Variants in ABHD2 observed in about 807,000 individuals in gnomAD.
The protein encoded by ABHD2 is monoacylglycerol lipase ABHD2.
ABHD2 carries 20 observed loss-of-function variants against 48.1 expected under a neutral mutation model. That is an observed-to-expected ratio of 0.42 (90% CI 0.29 to 0.60). The LOEUF (loss-of-function observed/expected upper bound fraction) is 0.60, where lower values mean the gene tolerates loss of function less well. Among genes scored for constraint, ABHD2 ranks in the 20% least tolerant of loss-of-function variants. The pLI is 0.24. For missense variants in ABHD2, 405 were observed against 550.9 expected (o/e 0.74, Z 2.65); for synonymous variants, 209 against 214.2 (o/e 0.98, Z 0.21).
At chr15:89,187,870 C>T (rs775385318) in intron 7 of ABHD2, among the ~76,000 whole-genome samples, 28 of 152,174 alleles carry the variant, frequency 1.8e-4, no homozygotes, top group Non-Finnish European at 2.6e-4. Context: ...AGTGTAAGGA[C>T]GACGCCCCTA....
chr15:89,119,803 TTC>T (rs1443498345), intron 3 of ABHD2, among the ~76,000 whole-genome samples: 1 of 152,204 alleles, frequency 6.6e-6, no homozygotes, highest in Non-Finnish European at 1.5e-5. Context: ...CATAGTCTTT[TTC>T]TGTGTCACAT....
chr15:89,169,856 C>T (rs1242959280), intron 5 of ABHD2, among the ~76,000 whole-genome samples: 1 of 152,042 alleles, frequency 6.6e-6, no homozygotes, highest in East Asian at 1.9e-4. Context: ...CCAAAGGCTA[C>T]ATACAATGAG....
At chr15:89,059,847 C>G in the ABHD2 span, among the ~76,000 whole-genome samples, 1 of 152,142 alleles carries the variant, frequency 6.6e-6, no homozygotes, top group Non-Finnish European at 1.5e-5. Context: ...GCTGCAGGGT[C>G]CGTGGCCGAA....
At position 89,088,919 on chromosome 15, in the gene ABHD2, TC is replaced by T. The variant is rs1021455413; in HGVS notation, c.-107+358del. On this transcript the variant is annotated intron_variant, in intron 1 of 10. Transcript: ENST00000352732. The surrounding 1 kb of genome is among the most constrained non-coding windows in gnomAD (Gnocchi z 6.8). The stretch of plus-strand genomic sequence containing the variant: ...GCCGGTTCAGGCTCGGCGAAGAAGG[TC>T]CGGGATCCGCACCTGGAAGGAGAGG... 9.9e-5 allele frequency among the ~76,000 whole-genome samples: 15 copies of T among 152,162 alleles called. 1 individual carries two copies. The highest frequency in any genetic ancestry group is 3.4e-4 in the African/African-American group (14 of 41,510).
At chr15:89,068,676 C>T in the ABHD2 span, among the ~76,000 whole-genome samples, 1 of 150,602 alleles carries the variant, frequency 6.6e-6, no homozygotes, top group Non-Finnish European at 1.5e-5. Context: ...CACAGAGCAC[C>T]ATATGGCATC....
At chr15:89,056,731 A>G in the ABHD2 span, among the ~76,000 whole-genome samples, 19 of 152,186 alleles carry the variant, frequency 1.2e-4, no homozygotes, top group Non-Finnish European at 4.4e-5. Context: ...CAGCAGCACT[A>G]CTTATTACAA....
At chr15:89,140,739 A>G (rs2050389656) in intron 3 of ABHD2, among the ~76,000 whole-genome samples, 1 of 152,108 alleles carries the variant, frequency 6.6e-6, no homozygotes, top group African/African-American at 2.4e-5. Flanking sequence ...CTCTCCTGCG[A>G]GAGAGAGCAC....
intron 5 of ABHD2, among the ~76,000 whole-genome samples, chr15:89,156,645 C>T (rs1233162723): frequency 3.3e-5 from 5 of 151,064 alleles, no homozygotes; most frequent in Admixed American, 3.3e-4. Flanking sequence ...GGCTGAGGCA[C>T]GAGGATCACT....
At chr15:89,050,119 G>C in the ABHD2 span, among the ~76,000 whole-genome samples, 6 of 152,288 alleles carry the variant, frequency 3.9e-5, no homozygotes, top group East Asian at 1.2e-3. Flanking sequence ...AAAGACAAAG[G>C]GTTCATCCAC....
rs2050834810 is a variant in ABHD2 at position 89,166,126 on chromosome 15, AAAAT to A, written c.539-9684_539-9681del. The stretch of plus-strand genomic sequence containing the variant: ...TTTGATCTTGATTTAAAGAGAGAAA[AAAAT>A]AGGATTAAAAACAATATCTTCTATG... On this transcript the variant is annotated intron_variant, in intron 5 of 10. Coordinates refer to ENST00000352732, the MANE Select transcript of ABHD2 (RefSeq NM_152924.5). This position sits in a 1 kb window ranked among gnomAD's most constrained non-coding sequence, Gnocchi z 4.6. 6.6e-6 allele frequency among the ~76,000 whole-genome samples: 1 copy of A among 152,218 alleles called. No individual in the cohort carries two copies. The highest frequency in any genetic ancestry group is 1.5e-5 in the Non-Finnish European group (1 of 68,038).
In ABHD2 at chr15:89,189,991, G is replaced by T. The variant is rs1366466134; in HGVS notation, c.927-1089G>T. On this transcript the variant is annotated intron_variant, in intron 8 of 10. Transcript: ENST00000352732. The surrounding 1 kb of genome is among the most constrained non-coding windows in gnomAD (Gnocchi z 4.9). ...GAACAATGCATTTCCTGCCTGCTGA[G>T]ACTGCAAACGAACTGATTTCACAAG... is the stretch of plus-strand genomic sequence containing the variant. Among the ~76,000 whole-genome samples the T allele has an allele frequency of 6.6e-6, 1 of 152,122 alleles. No homozygotes were observed. Among genetic ancestry groups the T allele is most frequent in the African/African-American group, 2.4e-5 (1 of 41,412 alleles).
At chr15:89,136,330 G>T in intron 3 of ABHD2, 4 of 503,246 alleles carry the variant, frequency 7.9e-6, no homozygotes, top group South Asian at 5.9e-5. Context: ...TTTCCTTTCT[G>T]TTTAGTAGGC....
chr15:89,079,204 G>C, the ABHD2 span, among the ~76,000 whole-genome samples: 1 of 152,192 alleles, frequency 6.6e-6, no homozygotes, highest in Non-Finnish European at 1.5e-5. The surrounding 1 kb of genome is among the most constrained non-coding windows in gnomAD (Gnocchi z 4.3). Flanking sequence ...ATAATTGACT[G>C]TTCCTCTACC....
At chr15:89,149,214 A>AACACACAC (rs35689320) in intron 3 of ABHD2, among the ~76,000 whole-genome samples, 2,118 of 148,310 alleles carry the variant, frequency 0.014, 22 homozygotes, top group African/African-American at 0.026. Flanking sequence ...ATTGATCCCT[A>AACACACAC]ACACACACAC....
At chr15:89,052,674 C>T in the ABHD2 span, among the ~76,000 whole-genome samples, 1 of 152,032 alleles carries the variant, frequency 6.6e-6, no homozygotes. Context: ...GCCTGCAAAC[C>T]ACAAGCAGGG....
At chr15:89,077,495 G>C in the ABHD2 span, among the ~76,000 whole-genome samples, 1 of 152,134 alleles carries the variant, frequency 6.6e-6, no homozygotes, top group African/African-American at 2.4e-5. Context: ...TGAGAATTAT[G>C]CATGCTCATG....
chr15:89,077,845 G>A, the ABHD2 span, among the ~76,000 whole-genome samples: 1 of 152,088 alleles, frequency 6.6e-6, no homozygotes, highest in Non-Finnish European at 1.5e-5. Context: ...ACTTGTCTAT[G>A]CCTATGACTT....
upstream of ABHD2, among the ~76,000 whole-genome samples, chr15:89,083,500 A>T (rs552432286): frequency 2.7e-4 from 41 of 152,262 alleles, no homozygotes; most frequent in Non-Finnish European, 4.7e-4. The surrounding 1 kb of genome is among the most constrained non-coding windows in gnomAD (Gnocchi z 5.1). Flanking sequence ...ACGTGCGTGT[A>T]TGTGTGTTTG....
At chr15:89,050,645 C>T in the ABHD2 span, among the ~76,000 whole-genome samples, 1 of 152,164 alleles carries the variant, frequency 6.6e-6, no homozygotes, top group Non-Finnish European at 1.5e-5. Context: ...CACTAGAACC[C>T]ATCTGCTGGG....
Sources: allele counts gnomAD v4.1 joint callset (sites outside exome capture counted in the v4.1 genomes callset), GRCh38; gene constraint gnomAD v4.1.1; non-coding constraint Gnocchi (gnomAD v3.1); transcripts MANE v1.5; gene names NCBI Gene and HGNC (gene_info 2026-07-23, HGNC 2026-07-21).